LDLRAD3: variants seen among roughly 807,000 people sequenced by gnomAD.
LDLRAD3 encodes the protein low density lipoprotein receptor class A domain containing 3, also known as low-density lipoprotein receptor class A domain-containing protein 3.
LDLRAD3 carries 20 observed loss-of-function variants against 29.4 expected under a neutral mutation model. The observed-to-expected ratio is 0.68, with a 90% CI of 0.48 to 0.99. LDLRAD3 has a LOEUF of 0.99. LDLRAD3 is among the 50% of genes least tolerant of loss of function. LDLRAD3 has a pLI of 0.00. For synonymous variants in LDLRAD3, 157 were observed against 192.7 expected (o/e 0.81, Z 1.53); for missense variants, 420 against 454.3 (o/e 0.92, Z 0.69).
At chr11:36,022,773 C>G (rs1192993673) in intron 1 of LDLRAD3, among the ~76,000 whole-genome samples, 5 of 152,096 alleles carry the variant, frequency 3.3e-5, no homozygotes, top group Admixed American at 3.3e-4. Flanking sequence ...CATAGGCTAC[C>G]CTTTGCAATC....
chr11:35,980,186 T>C (rs972387326), intron 1 of LDLRAD3, among the ~76,000 whole-genome samples: 1 of 152,222 alleles, frequency 6.6e-6, no homozygotes, highest in African/African-American at 2.4e-5. Context: ...TTCATTACTA[T>C]GTGGTAGATA....
In LDLRAD3 at chr11:35,993,451, A is replaced by T. The variant is rs778250580; in HGVS notation, c.47-42652A>T. Among the ~76,000 whole-genome samples, 29 of 152,200 alleles carry T rather than the reference A, an allele frequency of 1.9e-4. 1 individual carries two copies. The highest frequency in any genetic ancestry group is 3.2e-4 in the Non-Finnish European group (22 of 68,042). ...TGCTATTTTCTCAGGACTGTAGAGT[A>T]AAAACATTAGAAATTTCTAGCTGCC... On this transcript the variant is annotated intron_variant, in intron 1 of 5. Transcript: ENST00000315571.
chr11:35,979,348 C>T (rs546608342), intron 1 of LDLRAD3, among the ~76,000 whole-genome samples: 2 of 152,276 alleles, frequency 1.3e-5, no homozygotes, highest in South Asian at 2.1e-4. Flanking sequence ...TCCATATTTG[C>T]TTGCTTGATC....
chr11:36,123,734 T>C (rs1853794188), intron 4 of LDLRAD3, among the ~76,000 whole-genome samples: 1 of 152,206 alleles, frequency 6.6e-6, no homozygotes, highest in Non-Finnish European at 1.5e-5. Context: ...GATGTCCTGT[T>C]TTCCAGGAGT....
chr11:36,145,013 C>T (rs1251945224), intron 4 of LDLRAD3, among the ~76,000 whole-genome samples: 14 of 116,632 alleles, frequency 1.2e-4, no homozygotes, highest in African/African-American at 3.8e-4. Context: ...CCAGCCGCCC[C>T]GTCCGGGAGG....
At chr11:36,025,579 C>T (rs565890490) in intron 1 of LDLRAD3, among the ~76,000 whole-genome samples, 6 of 151,816 alleles carry the variant, frequency 4.0e-5, no homozygotes, top group South Asian at 4.2e-4. Context: ...TTAGTAGAGA[C>T]GGGGTTTCAC....
chr11:35,967,560 G>A (rs1851357546), intron 1 of LDLRAD3: 1 of 391,100 alleles, frequency 2.6e-6, no homozygotes, highest in South Asian at 2.1e-5. Flanking sequence ...GATGTCACAT[G>A]GCCTAGGTCA....
At chr11:36,017,894 T>C (rs1297957034) in intron 1 of LDLRAD3, among the ~76,000 whole-genome samples, 1 of 152,216 alleles carries the variant, frequency 6.6e-6, no homozygotes, top group Non-Finnish European at 1.5e-5. Context: ...AAAATTTCCA[T>C]TGAAAGCTCT....
chr11:36,185,642 G>A (rs1348996576), intron 4 of LDLRAD3, among the ~76,000 whole-genome samples: 1 of 152,134 alleles, frequency 6.6e-6, no homozygotes, highest in Non-Finnish European at 1.5e-5. Flanking sequence ...TCCCTCACAT[G>A]GATTAATTGG....
chr11:35,976,815 C>T (rs755024897), intron 1 of LDLRAD3, among the ~76,000 whole-genome samples: 5 of 151,966 alleles, frequency 3.3e-5, no homozygotes, highest in East Asian at 1.9e-4. Flanking sequence ...TTTATTATAT[C>T]GCAAGGTGGA....
intron 4 of LDLRAD3, among the ~76,000 whole-genome samples, chr11:36,128,860 A>G: frequency 6.6e-6 from 1 of 151,848 alleles, no homozygotes; most frequent in South Asian, 2.1e-4. Flanking sequence ...AGGAAAAAAA[A>G]AAAAAAGAGA....
At chr11:36,050,046 G>A (rs905937528) in intron 2 of LDLRAD3, among the ~76,000 whole-genome samples, 1 of 152,148 alleles carries the variant, frequency 6.6e-6, no homozygotes, top group African/African-American at 2.4e-5. Context: ...GAATAGACCC[G>A]AGAATTTTGT....
intron 2 of LDLRAD3, among the ~76,000 whole-genome samples, chr11:36,058,183 C>T (rs1177064363): frequency 5.3e-5 from 8 of 152,212 alleles, no homozygotes; most frequent in Admixed American, 4.6e-4. Flanking sequence ...GCAGCTCCTT[C>T]CCTCCTGCTC....
intron 1 of LDLRAD3, among the ~76,000 whole-genome samples, chr11:35,972,004 T>A (rs1234468513): frequency 1.3e-5 from 2 of 150,216 alleles, no homozygotes; most frequent in South Asian, 2.1e-4. Context: ...GGGGGAGGAG[T>A]CCCAGTTGTC....
chr11:36,205,134 C>G (rs1046888302), intron 4 of LDLRAD3, among the ~76,000 whole-genome samples: 34 of 152,272 alleles, frequency 2.2e-4, no homozygotes, highest in African/African-American at 7.7e-4. Context: ...TTGGTTTTGC[C>G]TTATTCTTAA....
chr11:36,191,538 G>GTCTCTGTCTC (rs1554972472), intron 4 of LDLRAD3, among the ~76,000 whole-genome samples: 2 of 55,694 alleles, frequency 3.6e-5, no homozygotes, highest in African/African-American at 1.5e-4. Flanking sequence ...GCAAGACCCT[G>GTCTCTGTCTC]TCTCTCTCTC....
chr11:36,098,274 C>G, intron 3 of LDLRAD3, 53 bp from the exon 4 acceptor site: 1 of 1,608,358 alleles, frequency 6.2e-7, no homozygotes, highest in Non-Finnish European at 8.5e-7. Context: ...TTCCAGGGTC[C>G]CCAAGGGAAC....
chr11:36,141,157 T>G (rs1301181164), intron 4 of LDLRAD3, among the ~76,000 whole-genome samples: 1 of 152,126 alleles, frequency 6.6e-6, no homozygotes, highest in Non-Finnish European at 1.5e-5. Context: ...GGCAGTAATA[T>G]ATGTGAAAAT....
chr11:35,951,231 T>C (rs1851130971), intron 1 of LDLRAD3, among the ~76,000 whole-genome samples: 1 of 152,228 alleles, frequency 6.6e-6, no homozygotes, highest in African/African-American at 2.4e-5. Flanking sequence ...AAGTAACTAC[T>C]GTGAATTGTC....
Sources: allele counts gnomAD v4.1 joint callset (sites outside exome capture counted in the v4.1 genomes callset), GRCh38; gene constraint gnomAD v4.1.1; transcripts MANE v1.5; gene names NCBI Gene and HGNC (gene_info 2026-07-23, HGNC 2026-07-21).